TXNDC5: variants seen among roughly 807,000 people sequenced by gnomAD.
TXNDC5 encodes thioredoxin domain containing 5.
A neutral mutation model predicts 52.6 loss-of-function variants in TXNDC5; 44 were observed. The observed-to-expected ratio is 0.84, with a 90% CI of 0.66 to 1.08. The LOEUF is 1.08. Among genes scored for constraint, TXNDC5 ranks in the 50% least tolerant of loss-of-function variants. TXNDC5 has a pLI of 0.00. For synonymous variants in TXNDC5, 241 were observed against 234.4 expected, an observed-to-expected ratio of 1.03 and a Z score of -0.26; for missense variants, 600 against 565.5, an observed-to-expected ratio of 1.06 and a Z score of -0.62.
At chr6:7,893,984 A>G (rs1337314799) in intron 4 of TXNDC5, among the ~76,000 whole-genome samples, 2 of 152,250 alleles carry the variant, frequency 1.3e-5, no homozygotes, top group Non-Finnish European at 2.9e-5. Flanking sequence ...ATGTATTCAC[A>G]CTGGAAATTT....
chr6:7,910,541 G>A lies in TXNDC5; in HGVS notation c.236C>T (p.Ala79Val). ...GGGCGCGAAGAACATGACGAAGTGC[G>A]CGGCGCTCTGGATCCCGTGCGTGAA... ...DMFTHGIQSAAHFVMFFAPWC... is the reference protein window; with the variant it reads ...DMFTHGIQSAVHFVMFFAPWC... Residue 79 changes from alanine (A) to valine (V), a missense_variant, in exon 1 of 10, where the codon GCG becomes GTG. Ala to Val is a moderately conservative substitution (Grantham distance 64). Coordinates refer to ENST00000379757, the MANE Select transcript of TXNDC5 (RefSeq NM_030810.5). 6.9e-7 allele frequency: 1 copy of A among 1,457,564 alleles called. No homozygotes were observed. The highest frequency in any genetic ancestry group is 1.3e-5 in the South Asian group (1 of 78,918). The allele number at this position is 1,457,564 out of a possible 1,614,324, so 90.3% of individuals were successfully genotyped here.
In TXNDC5 at chr6:7,883,146, A is replaced by G; in HGVS notation, c.1297T>C (p.Ter433GlnextTer39). The G allele has an allele frequency of 6.2e-7, 1 of 1,614,126 alleles. No individual in the cohort carries two copies. The highest frequency in any genetic ancestry group is 8.5e-7 in the Non-Finnish European group (1 of 1,179,984). ...FVLSQAKDEL* is the reference protein window; with the variant it reads ...FVLSQAKDELQ ...AGAGGTGACCTCCAACTGTGTTCCT[A>G]AAGTTCGTCTTTCGCTTGGCTCAGG... The change falls in exon 10 of 10, where the codon TAG (stop) becomes CAG (glutamine). Residue 433 changes from the stop codon to glutamine, a stop_lost. Transcript: ENST00000379757.
At chr6:7,891,556 G>A in intron 5 of TXNDC5, 65 bp downstream of exon 5, 1 of 1,314,794 alleles carries the variant, frequency 7.6e-7, no homozygotes, top group East Asian at 2.4e-5. Context: ...TGAATAATGG[G>A]CCACTCTGCT....
In TXNDC5 at chr6:7,899,563, G is replaced by GGGAAGGA; in HGVS notation, c.519+12_519+13insTCCTTCC. On this transcript the variant is annotated intron_variant, in intron 3 of 9. Transcript: ENST00000379757. The stretch of plus-strand genomic sequence containing the variant: ...AGGGAGGGAGGGAGGGAGGGAAGGA[G>GGGAAGGA]GTAGACACTCACCACTGGCTCCTCG... The GGGAAGGA allele has an allele frequency of 6.2e-7, 1 of 1,607,078 alleles. No homozygotes were observed. The highest frequency in any genetic ancestry group is 8.5e-7 in the Non-Finnish European group (1 of 1,174,652).
intron 2 of TXNDC5, among the ~76,000 whole-genome samples, chr6:7,901,186 A>G (rs149258752): frequency 6.6e-5 from 10 of 152,316 alleles, no homozygotes; most frequent in Non-Finnish European, 1.2e-4. Context: ...TACACCGGCT[A>G]CGTCACGAAG....
intron 7 of TXNDC5, among the ~76,000 whole-genome samples, chr6:7,886,935 T>A (rs890384557): frequency 6.6e-6 from 1 of 152,150 alleles, no homozygotes; most frequent in Non-Finnish European, 1.5e-5. Flanking sequence ...ACCCACTTCA[T>A]GGTGGAAAAC....
intron 7 of TXNDC5, 122 bp from the exon 8 acceptor site, chr6:7,886,165 G>T: frequency 2.6e-6 from 2 of 770,972 alleles, no homozygotes; most frequent in Non-Finnish European, 4.3e-6. Context: ...AGGCTCCAAG[G>T]TCACACAGAA....
At chr6:7,888,595 C>T in intron 7 of TXNDC5, 110 bp downstream of exon 7, 1 of 1,389,668 alleles carries the variant, frequency 7.2e-7, no homozygotes, top group South Asian at 1.4e-5. Flanking sequence ...GACTGTGTCC[C>T]CAAACTGTCA....
Position 7,910,558 on chromosome 6 carries a change from G to T in TXNDC5, c.219C>A (p.His73Gln). The change falls in exon 1 of 10, where the codon CAC becomes CAA. Residue 73 changes from histidine (H) to glutamine (Q), a missense_variant. Transcript: ENST00000379757. ...KHLYTADMFT[H>Q]GIQSAAHFVM... is the part of the protein sequence containing the mutation. ...CGAAGTGCGCGGCGCTCTGGATCCC[G>T]TGCGTGAACATGTCGGCCGTGTACA... 2 of 1,456,194 alleles carry T rather than the reference G, an allele frequency of 1.4e-6. No individual in the cohort carries two copies. The highest frequency in any genetic ancestry group is 9.1e-7 in the Non-Finnish European group (1 of 1,094,108). 90.2% of individuals were successfully genotyped at this position (1,456,194 alleles called of 1,614,324 possible). A position where few individuals can be genotyped will look rare whatever the true frequency, so the allele number is the denominator to read the frequency against.
chr6:7,899,116 G>C (rs900859199), intron 3 of TXNDC5, among the ~76,000 whole-genome samples: 3 of 152,164 alleles, frequency 2.0e-5, no homozygotes, highest in Non-Finnish European at 2.9e-5. Context: ...TTCTAGGCTG[G>C]GCCCAGCCCT....
At position 7,886,052 on chromosome 6, in the gene TXNDC5, G is replaced by A. The variant is rs768445380; in HGVS notation, c.964-9C>T. 1 of 1,613,484 alleles carries A rather than the reference G, an allele frequency of 6.2e-7. No homozygotes were observed. Among genetic ancestry groups the A allele is most frequent in the East Asian group, 2.2e-5 (1 of 44,872 alleles). On this transcript the variant is annotated splice_polypyrimidine_tract_variant and intron_variant, in intron 7 of 9. Transcript: ENST00000379757. Reference sequence around the variant, plus strand: ...AGTGCCAACACAGTGCCCTTCAAGGGAGGAAAAAGCCACAGTTCAAGTACA... The same window carrying A: ...AGTGCCAACACAGTGCCCTTCAAGGAAGGAAAAAGCCACAGTTCAAGTACA...
At chr6:7,890,070 ATAAAGG>A (rs1760138209) in intron 5 of TXNDC5, among the ~76,000 whole-genome samples, 1 of 152,208 alleles carries the variant, frequency 6.6e-6, no homozygotes, top group Non-Finnish European at 1.5e-5. Flanking sequence ...TTGGTATATA[ATAAAGG>A]TAAGACTGCA....
At chr6:7,898,350 C>T (rs1213695317) in intron 3 of TXNDC5, among the ~76,000 whole-genome samples, 1 of 152,164 alleles carries the variant, frequency 6.6e-6, no homozygotes, top group Non-Finnish European at 1.5e-5. Context: ...GCCACCACAC[C>T]CAGCCGAGTT....
chr6:7,888,473 C>T (rs1760076314), intron 7 of TXNDC5, among the ~76,000 whole-genome samples: 1 of 152,256 alleles, frequency 6.6e-6, no homozygotes, highest in Non-Finnish European at 1.5e-5. Flanking sequence ...ATTTGTCTCA[C>T]ATCCATTTCA....
intron 2 of TXNDC5, among the ~76,000 whole-genome samples, chr6:7,901,395 G>A (rs188969011): frequency 3.3e-5 from 5 of 152,208 alleles, no homozygotes; most frequent in African/African-American, 1.2e-4. Context: ...GACCAGGGAC[G>A]GTCACACTTG....
intron 2 of TXNDC5, chr6:7,900,366 A>C (rs1296432271): frequency 6.6e-6 from 1 of 152,220 alleles, no homozygotes; most frequent in Non-Finnish European, 1.5e-5. Context: ...TCCAGCAGTC[A>C]CGGGAAAACG....
At chr6:7,906,535 C>CAG (rs1760735712) in intron 1 of TXNDC5, among the ~76,000 whole-genome samples, 1 of 42,572 alleles carries the variant, frequency 2.3e-5, no homozygotes, top group African/African-American at 1.2e-4. Flanking sequence ...GACTCCATCT[C>CAG]AAAAAAAAAA....
At chr6:7,890,787 T>A (rs1581313706) in intron 5 of TXNDC5, among the ~76,000 whole-genome samples, 1 of 152,206 alleles carries the variant, frequency 6.6e-6, no homozygotes, top group African/African-American at 2.4e-5. Flanking sequence ...TGTACTTTCA[T>A]CTGCCCAGAC....
intron 1 of TXNDC5, among the ~76,000 whole-genome samples, chr6:7,910,273 G>GC (rs548454683): frequency 6.7e-6 from 1 of 149,138 alleles, no homozygotes; most frequent in Non-Finnish European, 1.5e-5. Flanking sequence ...CGGCGCCCGC[G>GC]CCCCCCGCTC....
Sources: gnomAD v4.1 joint callset for allele counts (sites outside exome capture counted in the v4.1 genomes callset) on GRCh38, gnomAD v4.1.1 for gene constraint, MANE v1.5 for transcripts, NCBI Gene and HGNC (gene_info 2026-07-23, HGNC 2026-07-21) for gene names.